The following EP400 variants were observed in gnomAD, a reference collection of about 807,000 sequenced individuals.
EP400 encodes the protein E1A binding protein p400.
EP400 carries 105 observed loss-of-function variants against 354.1 expected under a neutral mutation model. The ratio of observed to expected loss-of-function variants is 0.30; its 90% confidence interval spans 0.25 to 0.35. The LOEUF (loss-of-function observed/expected upper bound fraction) is 0.35. Ranked by LOEUF, EP400 falls within the 10% of genes least tolerant of loss-of-function variation. EP400 has a pLI of 1.00. For synonymous variants in EP400, 1,646 were observed against 1,716.9 expected (o/e 0.96, Z 1.02); for missense variants, 3,280 against 4,121.0 (o/e 0.80, Z 5.59).
At chr12:131,963,674 A>G in intron 2 of EP400, 22 of 1,543,752 alleles carry the variant, frequency 1.4e-5, no homozygotes, top group Non-Finnish European at 1.8e-5. Flanking sequence ...ATGTAGTCTC[A>G]TCCCAAACTT....
Position 131,990,726 on chromosome 12 carries a change from T to TAA in EP400, c.2629+18_2629+19dup, listed in dbSNP as rs141081862. On this transcript the variant is annotated intron_variant, in intron 9 of 52. Transcript: ENST00000389561. This position sits in a 1 kb window ranked among gnomAD's most constrained non-coding sequence, Gnocchi z 4.2. ...AGTTTCCAGGAGAGGTAGGACCCTT[T>TAA]AAAAAAAGGCTCACCACGCTTGGGT... 1.9e-6 allele frequency: 3 copies of TAA among 1,589,020 alleles called. No homozygotes were observed. The highest frequency in any genetic ancestry group is 2.6e-6 in the Non-Finnish European group (3 of 1,165,678).
In EP400 at chr12:132,077,661, T is replaced by C; in HGVS notation, c.9360T>C (p.Pro3120=). The change falls in exon 53 of 53, where the codon CCT becomes CCC. Residue 3120 remains proline, a synonymous_variant. Transcript: ENST00000389561. ...PAVRLKTPTK[P]PCQ Reference sequence around the variant, plus strand: ...TCAGGCTAAAGACACCTACTAAGCCTCCGTGCCAGTAGTCAGGGCAGCAGG... The same window carrying C: ...TCAGGCTAAAGACACCTACTAAGCCCCCGTGCCAGTAGTCAGGGCAGCAGG... The C allele has an allele frequency of 6.2e-7, 1 of 1,608,340 alleles. No individual in the cohort carries two copies. The highest frequency in any genetic ancestry group is 8.5e-7 in the Non-Finnish European group (1 of 1,176,886).
Position 132,080,257 on chromosome 12 carries a change from A to G in EP400, c.*2584A>G, listed in dbSNP as rs1383417712. ...GTTCAGATTTGGTGCCTGATAAGAC[A>G]GGGGTTTCTCTTTTTGTGACCTTTA... On this transcript the variant is annotated 3_prime_UTR_variant, in exon 53 of 53. Transcript: ENST00000389561. 1 of 152,588 alleles carries G rather than the reference A, an allele frequency of 6.6e-6. No individual in the cohort carries two copies. The highest frequency in any genetic ancestry group is 1.5e-5 in the Non-Finnish European group (1 of 68,016). 9.5% of individuals were successfully genotyped at this position (152,588 alleles called of 1,614,324 possible).
chr12:131,962,933 T>G (rs1891943664), intron 2 of EP400, among the ~76,000 whole-genome samples: 2 of 152,248 alleles, frequency 1.3e-5, no homozygotes, highest in African/African-American at 4.8e-5. Context: ...TACTGGTATC[T>G]ATGGATGTAT....
rs11305330 is a variant in EP400, at chr12:132,060,914, C to CA, written c.7885-1181dup. Among the ~76,000 whole-genome samples the CA allele has an allele frequency of 9.0e-3, 993 of 110,362 alleles. 25 individuals carry two copies. In the South Asian group the frequency reaches 0.11, roughly 12 times the overall value. The allele number at this position is 110,362 out of a possible 152,430, so 72.4% of individuals were successfully genotyped here. Reference sequence around the variant, plus strand: ...GGGCAACGAGAGCAAGACTCCGTCTCAAAAAAAAAAAAAAACAAAAAACAA... The same window carrying CA: ...GGGCAACGAGAGCAAGACTCCGTCTCAAAAAAAAAAAAAAAACAAAAAACAA... On this transcript the variant is annotated intron_variant, in intron 45 of 52. Transcript: ENST00000389561.
At chr12:132,065,971 A>T (rs1029310331) in intron 48 of EP400, 5 of 152,260 alleles carry the variant, frequency 3.3e-5, no homozygotes, top group Admixed American at 6.5e-5. Context: ...CTGAACATTT[A>T]CAAAGTGATG....
At chr12:131,987,933 G>C (rs538862714) in intron 7 of EP400, 43 bp downstream of exon 7, 2 of 1,504,222 alleles carry the variant, frequency 1.3e-6, no homozygotes, top group Non-Finnish European at 1.8e-6. Context: ...GTGCGTTGGT[G>C]GGGGCTTGAG....
intron 51 of EP400, among the ~76,000 whole-genome samples, chr12:132,074,192 T>C (rs1330425831): frequency 6.6e-6 from 1 of 152,168 alleles, no homozygotes; most frequent in Non-Finnish European, 1.5e-5. Context: ...CCCAAAGTGC[T>C]GGGATTACAG....
chr12:132,011,749 C>A, intron 16 of EP400, 115 bp downstream of exon 16: 2 of 1,273,124 alleles, frequency 1.6e-6, no homozygotes, highest in South Asian at 1.6e-5. Flanking sequence ...AAAGATCACT[C>A]ATTCATGAGT....
At chr12:131,989,891 A>G (rs112105347) in intron 7 of EP400, 73 bp from the exon 8 acceptor site, 20 of 1,567,620 alleles carry the variant, frequency 1.3e-5, no homozygotes, top group African/African-American at 6.9e-5. Context: ...AAGATTTAAA[A>G]AAAGTTACAT....
Position 132,075,274 on chromosome 12 carries a change from T to G in EP400, c.9022-1242T>G, listed in dbSNP as rs1272507127. ...ACCTGGTGTCTGGTCAGCTGTGTCC[T>G]GTGCGACCCTGGAGATCACGGGGTG... On this transcript the variant is annotated intron_variant, in intron 51 of 52. Coordinates refer to ENST00000389561, the MANE Select transcript of EP400 (RefSeq NM_015409.5). The surrounding 1 kb of genome is among the most constrained non-coding windows in gnomAD (Gnocchi z 4.5). Among the ~76,000 whole-genome samples the G allele has an allele frequency of 1.3e-5, 2 of 151,908 alleles. No individual in the cohort carries two copies. The highest frequency in any genetic ancestry group is 4.8e-5 in the African/African-American group (2 of 41,412).
At chr12:132,069,341 CA>C (rs1445085702) in intron 50 of EP400, 153 bp from the exon 51 acceptor site, 33 of 1,057,934 alleles carry the variant, frequency 3.1e-5, no homozygotes, top group East Asian at 1.5e-4. Context: ...AGGGATGGGA[CA>C]GGGGGCAGGA....
At position 132,077,433 on chromosome 12, in the gene EP400, G is replaced by A. The variant is rs1783022256; in HGVS notation, c.9132G>A (p.Ala3044=). ...ASPQTVALTQ[A]TAAGQQVQMI... ...CACAGACTGTGGCGCTCACGCAGGC[G>A]ACGGCGGCCGGGCAGCAGGTGCAGA... Residue 3044 remains alanine, a synonymous_variant, in exon 53 of 53, where the codon GCG becomes GCA. Transcript: ENST00000389561. 1.9e-6 allele frequency: 3 copies of A among 1,612,714 alleles called. No homozygotes were observed. The highest frequency in any genetic ancestry group is 2.2e-5 in the East Asian group (1 of 44,880).
Position 132,053,428 on chromosome 12 carries a change from A to AGCCACC in EP400, c.7568_7573dup (p.Pro2523_Pro2524dup). On this transcript the variant is annotated inframe_insertion, in exon 43 of 53. Transcript: ENST00000389561. ...CCGCAGCCCCCACCACCCCCGCAGC[A>AGCCACC]GCCACCGCCACCGCTGCCACAACCA... The AGCCACC allele has an allele frequency of 8.2e-7, 1 of 1,216,696 alleles. No homozygotes were observed. Among genetic ancestry groups the AGCCACC allele is most frequent in the South Asian group, 1.3e-5 (1 of 78,566 alleles). 75.4% of individuals were successfully genotyped at this position (1,216,696 alleles called of 1,614,324 possible).
rs1195738535 is a variant in EP400, at chr12:132,027,509, C to T, written c.5087C>T (p.Ser1696Phe). 3 of 1,613,308 alleles carry T rather than the reference C, an allele frequency of 1.9e-6. No homozygotes were observed. The highest frequency in any genetic ancestry group is 2.7e-5 in the African/African-American group (2 of 74,944). Residue 1696 changes from serine (S) to phenylalanine (F), a missense_variant, in exon 26 of 53, where the codon TCT (serine) becomes TTT (phenylalanine). By Grantham distance (155) the Ser-to-Phe change is radical (BLOSUM62 -2). Around this residue, in one of 20 missense-constraint regions of EP400, gnomAD observed 459 missense variants for 496.9 expected, o/e 0.92. Transcript: ENST00000389561. This position sits in a 1 kb window ranked among gnomAD's most constrained non-coding sequence, Gnocchi z 4.9. The part of the protein sequence containing the change: ...GEPGTASKPA[S>F]PIGGPTQEEK... ...CCCGGAACGGCCTCCAAACCAGCTT[C>T]TCCCATTGGAGGGCCGACCCAGGTA...
chr12:132,065,289 C>T (rs556017548), intron 48 of EP400: 7 of 221,150 alleles, frequency 3.2e-5, no homozygotes, highest in East Asian at 9.6e-5. Flanking sequence ...CTCAGGTGAC[C>T]GCTGTAGGCA....
At chr12:132,045,939 G>A in intron 39 of EP400, 39 bp downstream of exon 39, 2 of 1,607,304 alleles carry the variant, frequency 1.2e-6, no homozygotes, top group Non-Finnish European at 1.7e-6. Context: ...GAGAGCACAG[G>A]CAGGTGTGGT....
intron 2 of EP400, among the ~76,000 whole-genome samples, chr12:131,970,245 G>T (rs996379933): frequency 6.6e-6 from 1 of 152,190 alleles, no homozygotes; most frequent in African/African-American, 2.4e-5. Flanking sequence ...AAAAAGAGAT[G>T]CAGTGTTTAC....
In EP400 at chr12:132,054,868, T is replaced by C; in HGVS notation, c.7729-106T>C. ...AGGATGGGACAGGTGGCTGTGTGAA[T>C]GTCGTGGAGTTTGGATTTGATTCTG... On this transcript the variant is annotated intron_variant, in intron 43 of 52. Coordinates refer to ENST00000389561, the MANE Select transcript of EP400 (RefSeq NM_015409.5). This position sits in a 1 kb window ranked among gnomAD's most constrained non-coding sequence, Gnocchi z 4.0. 1 of 1,166,270 alleles carries C rather than the reference T, an allele frequency of 8.6e-7. No individual in the cohort carries two copies. 72.2% of individuals were successfully genotyped at this position (1,166,270 alleles called of 1,614,324 possible).
Sources: allele counts gnomAD v4.1 joint callset (sites outside exome capture counted in the v4.1 genomes callset), GRCh38; gene constraint gnomAD v4.1.1; regional missense constraint gnomAD v4.1.1; non-coding constraint Gnocchi (gnomAD v3.1); transcripts MANE v1.5; gene names NCBI Gene and HGNC (gene_info 2026-07-23, HGNC 2026-07-21).